HEMK2: variants seen among roughly 807,000 people sequenced by gnomAD.
The protein encoded by HEMK2 is HemK methyltransferase 2, ETF1 glutamine and histone H4 lysine.
the HEMK2 span, among the ~76,000 whole-genome samples, chr21:28,681,093 G>A: frequency 6.6e-6 from 1 of 152,138 alleles, no homozygotes; most frequent in Non-Finnish European, 1.5e-5. Context: ...ATTCAATTAG[G>A]AAAAGAGGAA....
the HEMK2 span, among the ~76,000 whole-genome samples, chr21:28,786,378 T>C: frequency 6.6e-6 from 1 of 152,302 alleles, no homozygotes; most frequent in East Asian, 1.9e-4. Context: ...ATTAAGGAAT[T>C]GTAATTCTTG....
chr21:28,761,766 G>C, the HEMK2 span, among the ~76,000 whole-genome samples: 456 of 152,132 alleles, frequency 3.0e-3, 1 homozygote, highest in African/African-American at 0.01. Flanking sequence ...AAGACACAGA[G>C]AAGGCACGCA....
chr21:28,718,101 C>T, the HEMK2 span, among the ~76,000 whole-genome samples: 2 of 152,080 alleles, frequency 1.3e-5, no homozygotes, highest in East Asian at 3.8e-4. Flanking sequence ...TTGCTGCATC[C>T]AGAGATTTTG....
chr21:28,813,041 C>T, the HEMK2 span, among the ~76,000 whole-genome samples: 1 of 152,010 alleles, frequency 6.6e-6, no homozygotes, highest in African/African-American at 2.4e-5. Context: ...AAAACCCGCA[C>T]AAGACAAGGA....
At chr21:28,722,737 A>T in the HEMK2 span, among the ~76,000 whole-genome samples, 7 of 152,126 alleles carry the variant, frequency 4.6e-5, no homozygotes, top group Admixed American at 4.6e-4. Flanking sequence ...CAAAAAAATT[A>T]GCCGGGCATG....
At chr21:28,817,932 A>T in the HEMK2 span, among the ~76,000 whole-genome samples, 1 of 152,314 alleles carries the variant, frequency 6.6e-6, no homozygotes, top group East Asian at 1.9e-4. Context: ...TGCCATGTAG[A>T]TAAATAAGTC....
chr21:28,609,492 A>AT, the HEMK2 span, among the ~76,000 whole-genome samples: 7 of 151,058 alleles, frequency 4.6e-5, no homozygotes, highest in African/African-American at 1.2e-4. Context: ...AAACAAGGTT[A>AT]TTTAACATCC....
chr21:28,767,239 T>C, the HEMK2 span, among the ~76,000 whole-genome samples: 1 of 152,012 alleles, frequency 6.6e-6, no homozygotes, highest in African/African-American at 2.4e-5. Flanking sequence ...CATGGAACTG[T>C]ACGTAAGTCC....
At chr21:28,796,613 G>T in the HEMK2 span, among the ~76,000 whole-genome samples, 1 of 152,174 alleles carries the variant, frequency 6.6e-6, no homozygotes, top group African/African-American at 2.4e-5. Flanking sequence ...CATCAAGGCA[G>T]GAGTGCAGTG....
At chr21:28,595,859 A>G in the HEMK2 span, among the ~76,000 whole-genome samples, 1 of 151,960 alleles carries the variant, frequency 6.6e-6, no homozygotes, top group African/African-American at 2.4e-5. Context: ...ATCTTGGCTC[A>G]CTGCAAGCTC....
At chr21:28,715,386 G>A in the HEMK2 span, among the ~76,000 whole-genome samples, 1 of 152,028 alleles carries the variant, frequency 6.6e-6, no homozygotes, top group African/African-American at 2.4e-5. Context: ...ACATTTCACT[G>A]ATGATTAGTG....
chr21:28,727,334 C>G, the HEMK2 span, among the ~76,000 whole-genome samples: 1 of 152,142 alleles, frequency 6.6e-6, no homozygotes, highest in African/African-American at 2.4e-5. Flanking sequence ...TTAGTTTTGC[C>G]TTATGAAATT....
At chr21:28,880,804 T>C in the HEMK2 span, among the ~76,000 whole-genome samples, 3 of 151,666 alleles carry the variant, frequency 2.0e-5, no homozygotes, top group African/African-American at 7.3e-5. Flanking sequence ...GTTGATCTCA[T>C]GTAAATCACT....
chr21:28,863,436 A>G, the HEMK2 span, among the ~76,000 whole-genome samples: 1 of 77,344 alleles, frequency 1.3e-5, no homozygotes, highest in Non-Finnish European at 2.5e-5. Flanking sequence ...ATATATATAT[A>G]TATATATATA....
chr21:28,820,317 G>C, the HEMK2 span, among the ~76,000 whole-genome samples: 1 of 152,094 alleles, frequency 6.6e-6, no homozygotes, highest in Non-Finnish European at 1.5e-5. Context: ...TCCCTCATCT[G>C]CCTAAAGTCT....
the HEMK2 span, among the ~76,000 whole-genome samples, chr21:28,833,161 C>A: frequency 6.6e-6 from 1 of 152,174 alleles, no homozygotes; most frequent in Non-Finnish European, 1.5e-5. Context: ...CTTAGGTCCA[C>A]GCTTTTACTA....
At chr21:28,595,773 CTTTATTTA>C in the HEMK2 span, among the ~76,000 whole-genome samples, 4 of 149,446 alleles carry the variant, frequency 2.7e-5, no homozygotes, top group South Asian at 4.3e-4. Flanking sequence ...TTTTATTTTA[CTTTATTTA>C]TTTATTTATT....
the HEMK2 span, among the ~76,000 whole-genome samples, chr21:28,749,304 A>ATGTT: frequency 6.6e-6 from 1 of 152,180 alleles, no homozygotes; most frequent in Non-Finnish European, 1.5e-5. Flanking sequence ...TATTGTTACT[A>ATGTT]TGTTATATGG....
At chr21:28,664,714 T>C in the HEMK2 span, among the ~76,000 whole-genome samples, 1 of 152,182 alleles carries the variant, frequency 6.6e-6, no homozygotes, top group African/African-American at 2.4e-5. Flanking sequence ...AAATAATTCC[T>C]GCATGCTTCA....
Sources: gnomAD v4.1 joint callset for allele counts (sites outside exome capture counted in the v4.1 genomes callset) on GRCh38, gnomAD v4.1.1 for gene constraint, MANE v1.5 for transcripts, NCBI Gene and HGNC (gene_info 2026-07-23, HGNC 2026-07-21) for gene names.